Variants in RARB observed in about 807,000 individuals in gnomAD.
The protein encoded by RARB is retinoic acid receptor beta.
In RARB, 17 loss-of-function variants were observed where a neutral mutation model predicts 51.9. The observed-to-expected ratio is 0.33, with a 90% CI of 0.22 to 0.49. The LOEUF is 0.49. Among genes scored for constraint, RARB ranks in the 20% least tolerant of loss-of-function variants. The probability of loss-of-function intolerance (pLI) is 0.99; values close to 1 mark genes in which losing one functional copy is unlikely to be tolerated. For synonymous variants in RARB, 215 were observed against 195.4 expected (o/e 1.10, Z -0.84); for missense variants, 369 against 550.8 (o/e 0.67, Z 3.30).
At chr3:24,865,339 G>T (rs1298439339) in intron 2 of RARB, among the ~76,000 whole-genome samples, 2 of 152,090 alleles carry the variant, frequency 1.3e-5, no homozygotes, top group Non-Finnish European at 2.9e-5. Flanking sequence ...CATGTAAATG[G>T]ATGCTTGCAG....
At chr3:24,901,139 T>C (rs1703596949) in intron 2 of RARB, among the ~76,000 whole-genome samples, 2 of 152,154 alleles carry the variant, frequency 1.3e-5, no homozygotes, top group South Asian at 4.1e-4. Context: ...GCCAATGGCA[T>C]TAAAAAGAAA....
At chr3:24,836,025 G>A (rs1030605351) in intron 1 of RARB, among the ~76,000 whole-genome samples, 4 of 152,304 alleles carry the variant, frequency 2.6e-5, no homozygotes, top group African/African-American at 4.8e-5. Flanking sequence ...AGACTTGAGT[G>A]GCTCTGCAAA....
At chr3:25,050,937 C>G (rs927975936) in intron 2 of RARB, among the ~76,000 whole-genome samples, 30 of 152,190 alleles carry the variant, frequency 2.0e-4, no homozygotes, top group African/African-American at 7.0e-4. Flanking sequence ...TTAATTCTTT[C>G]TGGTGCACCA....
chr3:25,028,941 C>G (rs1293181630), intron 2 of RARB, among the ~76,000 whole-genome samples: 1 of 152,306 alleles, frequency 6.6e-6, no homozygotes, highest in Admixed American at 6.5e-5. Context: ...CTCTTTTTCT[C>G]TTCCAGCTCT....
intron 5 of RARB, among the ~76,000 whole-genome samples, chr3:25,286,822 C>A (rs974987200): frequency 1.3e-5 from 2 of 152,172 alleles, no homozygotes; most frequent in Non-Finnish European, 2.9e-5. Flanking sequence ...TGAATAGATC[C>A]ATTATCAAGG....
intron 2 of RARB, among the ~76,000 whole-genome samples, chr3:24,976,490 T>C (rs1361798846): frequency 1.3e-5 from 2 of 152,232 alleles, no homozygotes; most frequent in African/African-American, 4.8e-5. Context: ...TATCTCATTG[T>C]GGTTTTGATT....
intron 5 of RARB, among the ~76,000 whole-genome samples, chr3:25,377,728 A>T (rs1706506770): frequency 1.3e-5 from 2 of 152,184 alleles, no homozygotes; most frequent in Non-Finnish European, 2.9e-5. Flanking sequence ...AGAAAATTCA[A>T]GCAAAGTTTG....
intron 5 of RARB, among the ~76,000 whole-genome samples, chr3:25,245,354 A>C (rs1415218806): frequency 6.6e-6 from 1 of 152,154 alleles, no homozygotes; most frequent in South Asian, 2.1e-4. Flanking sequence ...TTATGATGCT[A>C]TCTGGTTATT....
intron 3 of RARB, among the ~76,000 whole-genome samples, chr3:25,527,382 G>A (rs1698701036): frequency 6.6e-6 from 1 of 152,178 alleles, no homozygotes; most frequent in Admixed American, 6.5e-5. Context: ...TAGCTGGCGA[G>A]GCCTGCAACT....
intron 5 of RARB, among the ~76,000 whole-genome samples, chr3:25,339,585 T>G (rs138567324): frequency 1.3e-5 from 2 of 151,864 alleles, no homozygotes; most frequent in African/African-American, 4.8e-5. Flanking sequence ...GCTGAAGTTT[T>G]TTTTTTTTTT....
chr3:25,479,003 C>A (rs989728596), intron 2 of RARB, among the ~76,000 whole-genome samples: 1 of 152,148 alleles, frequency 6.6e-6, no homozygotes, highest in Non-Finnish European at 1.5e-5. Context: ...TTGACTCTGA[C>A]CAAAATTCTC....
At chr3:25,264,107 GTTGA>G (rs1301981017) in intron 5 of RARB, among the ~76,000 whole-genome samples, 61 of 60,016 alleles carry the variant, frequency 1.0e-3, no homozygotes, top group East Asian at 4.0e-3. Context: ...TTGGGGCATT[GTTGA>G]TTTTTTTTTT....
chr3:24,924,326 G>A (rs371387370), intron 2 of RARB, among the ~76,000 whole-genome samples: 3 of 152,040 alleles, frequency 2.0e-5, no homozygotes, highest in African/African-American at 7.2e-5. Flanking sequence ...AAAATCCTTG[G>A]ACTCTAGAAT....
chr3:24,922,892 G>C (rs569377762), intron 2 of RARB, among the ~76,000 whole-genome samples: 15 of 152,248 alleles, frequency 9.9e-5, no homozygotes, highest in Admixed American at 3.3e-4. Flanking sequence ...AACTTGGCTA[G>C]GGATAATAAA....
At chr3:25,123,742 C>A (rs1399717890) in intron 3 of RARB, among the ~76,000 whole-genome samples, 1 of 152,206 alleles carries the variant, frequency 6.6e-6, no homozygotes, top group South Asian at 2.1e-4. Context: ...TTTTTACCCT[C>A]TTCTAGTCAT....
chr3:25,477,308 G>C (rs1461539342), intron 2 of RARB, among the ~76,000 whole-genome samples: 1 of 152,140 alleles, frequency 6.6e-6, no homozygotes, highest in Non-Finnish European at 1.5e-5. Context: ...TTGGGCATGG[G>C]GTAGGTGACT....
rs1347911605 is a variant in RARB, at chr3:24,989,998, A to G, written c.-379-70127A>G. On this transcript the variant is annotated intron_variant, in intron 2 of 11. Transcript: ENST00000383772. ...GTATTTTTAGTAGAGACGGGGTTTC[A>G]CCTTGTTAGCCAGGATGGTCTCGAT... is the stretch of plus-strand genomic sequence containing the variant. 9.2e-4 allele frequency among the ~76,000 whole-genome samples: 88 copies of G among 95,322 alleles called. 30 individuals carry two copies. The highest frequency in any genetic ancestry group is 1.0e-3 in the Non-Finnish European group (51 of 48,782). The allele number at this position is 95,322 out of a possible 152,430, so 62.5% of individuals were successfully genotyped here.
At chr3:24,963,322 C>A (rs545482951) in intron 2 of RARB, among the ~76,000 whole-genome samples, 10 of 151,280 alleles carry the variant, frequency 6.6e-5, no homozygotes, top group African/African-American at 2.4e-4. Flanking sequence ...TCATTGGAAA[C>A]GCTCTCACAG....
chr3:24,879,770 A>C (rs909562094), intron 2 of RARB, among the ~76,000 whole-genome samples: 1 of 152,202 alleles, frequency 6.6e-6, no homozygotes, highest in African/African-American at 2.4e-5. Context: ...AGGATTTCCC[A>C]GTTCTCAGTG....
Sources: gnomAD v4.1 joint callset for allele counts (sites outside exome capture counted in the v4.1 genomes callset) on GRCh38, gnomAD v4.1.1 for gene constraint, MANE v1.5 for transcripts, NCBI Gene and HGNC (gene_info 2026-07-23, HGNC 2026-07-21) for gene names.